PTGER3: variants seen among roughly 807,000 people sequenced by gnomAD.
PTGER3 encodes the protein prostaglandin E receptor 3, also known as prostaglandin E2 receptor EP3 subtype.
PTGER3 carries 22 observed loss-of-function variants against 34.7 expected under a neutral mutation model. The ratio of observed to expected loss-of-function variants is 0.63; its 90% CI spans 0.45 to 0.91. The LOEUF (loss-of-function observed/expected upper bound fraction) is 0.91. PTGER3 is among the 40% of genes least tolerant of loss of function. The pLI, the probability that PTGER3 is intolerant of heterozygous loss-of-function variation, is 0.00. For missense variants in PTGER3, 468 were observed against 519.4 expected (o/e 0.90, Z 0.96); for synonymous variants, 241 against 230.1 (o/e 1.05, Z -0.43).
chr1:71,012,035 T>C, intron 2 of PTGER3: 1 of 1,418,012 alleles, frequency 7.1e-7, no homozygotes, highest in African/African-American at 1.4e-5. Context: ...TTTTCCTTTG[T>C]TTGTGTTTCA....
chr1:71,024,286 A>C (rs914287405), intron 1 of PTGER3, among the ~76,000 whole-genome samples: 2 of 152,242 alleles, frequency 1.3e-5, no homozygotes, highest in Middle Eastern at 3.4e-3. Flanking sequence ...ATTCTGACTT[A>C]TTTCGTGCGT....
At position 71,046,603 on chromosome 1, in the gene PTGER3, G is replaced by A. The variant is rs1376594918; in HGVS notation, c.897+78C>T. ...CGGTTGCAAACACACCCCTGCGGGT[G>A]CTGCCACTTAGCAAAGTCTTAGGTT... On this transcript the variant is annotated intron_variant, in intron 1 of 3. Coordinates refer to ENST00000306666, the MANE Select transcript of PTGER3 (RefSeq NM_198719.2). 12 of 1,468,262 alleles carry A rather than the reference G, an allele frequency of 8.2e-6. No homozygotes were observed. In the Admixed American group the frequency reaches 2.9e-4, roughly 36 times the overall value. The allele number at this position is 1,468,262 out of a possible 1,614,324, so 91.0% of individuals were successfully genotyped here.
At chr1:70,974,159 A>G (rs1653432338) in intron 3 of PTGER3, 138 bp downstream of exon 3, 4 of 1,268,208 alleles carry the variant, frequency 3.2e-6, no homozygotes, top group Admixed American at 3.2e-5. Context: ...TAAGGAATCT[A>G]GCACTCTTAA....
downstream of PTGER3, among the ~76,000 whole-genome samples, chr1:70,949,375 A>G (rs75112592): frequency 2.6e-5 from 4 of 152,330 alleles, no homozygotes; most frequent in East Asian, 7.7e-4. Flanking sequence ...TCCTCCTCTT[A>G]AAGTGTCCCA....
intron 2 of PTGER3, among the ~76,000 whole-genome samples, chr1:70,981,280 T>TTC (rs539701160): frequency 6.6e-6 from 1 of 151,316 alleles, no homozygotes; most frequent in Admixed American, 6.6e-5. Flanking sequence ...TCCTTTTCTT[T>TTC]TCTCTCTCTC....
intron 1 of PTGER3, among the ~76,000 whole-genome samples, chr1:71,045,996 TA>T (rs1358364436): frequency 1.0e-3 from 146 of 140,342 alleles, no homozygotes; most frequent in Middle Eastern, 3.6e-3. Flanking sequence ...AATTTGAAAT[TA>T]AAAAAAAAAA....
At chr1:70,957,272 T>C (rs1262674659) in intron 2 of PTGER3, among the ~76,000 whole-genome samples, 1 of 152,190 alleles carries the variant, frequency 6.6e-6, no homozygotes, top group Non-Finnish European at 1.5e-5. Flanking sequence ...ATTGTTCTGA[T>C]TTGGAAACTA....
intron 4 of PTGER3, among the ~76,000 whole-genome samples, chr1:70,928,303 C>T (rs1383098426): frequency 6.7e-6 from 1 of 150,180 alleles, no homozygotes; most frequent in African/African-American, 2.5e-5. Context: ...GTTAAAATAC[C>T]TTTGATTACA....
chr1:70,941,986 G>T (rs920340785), intron 4 of PTGER3, among the ~76,000 whole-genome samples: 1 of 152,076 alleles, frequency 6.6e-6, no homozygotes, highest in African/African-American at 2.4e-5. Context: ...CTGTGATGAC[G>T]ACAGCTCCTA....
chr1:71,016,013 G>A (rs1657860635), intron 1 of PTGER3, among the ~76,000 whole-genome samples: 1 of 152,150 alleles, frequency 6.6e-6, no homozygotes, highest in South Asian at 2.1e-4. Flanking sequence ...GCTCACTGTA[G>A]TCCTGAACTC....
chr1:71,017,150 T>C (rs1349483042), intron 1 of PTGER3, among the ~76,000 whole-genome samples: 1 of 152,004 alleles, frequency 6.6e-6, no homozygotes, highest in Non-Finnish European at 1.5e-5. Flanking sequence ...CGTGAGGAGA[T>C]AATCCTAGAT....
intron 4 of PTGER3, among the ~76,000 whole-genome samples, chr1:70,912,078 G>A (rs949841129): frequency 6.6e-6 from 1 of 152,076 alleles, no homozygotes; most frequent in African/African-American, 2.4e-5. Context: ...AGAAATATTG[G>A]TGGACCTGCA....
At chr1:70,921,559 C>T (rs916812909) in intron 4 of PTGER3, among the ~76,000 whole-genome samples, 5 of 152,002 alleles carry the variant, frequency 3.3e-5, no homozygotes. Context: ...TACCTCAGAA[C>T]AGAACATGGG....
intron 1 of PTGER3, among the ~76,000 whole-genome samples, chr1:71,029,057 A>G (rs975513226): frequency 1.2e-4 from 18 of 152,208 alleles, no homozygotes; most frequent in African/African-American, 4.3e-4. Context: ...AAAACAAAAA[A>G]CAGGAACTGA....
chr1:70,932,551 T>C (rs1276319372), intron 4 of PTGER3, among the ~76,000 whole-genome samples: 1 of 152,072 alleles, frequency 6.6e-6, no homozygotes, highest in Non-Finnish European at 1.5e-5. Flanking sequence ...GAAATGTGCT[T>C]CTTACATGGT....
chr1:70,964,508 A>G (rs1436957283), intron 2 of PTGER3, among the ~76,000 whole-genome samples: 1 of 152,204 alleles, frequency 6.6e-6, no homozygotes, highest in African/African-American at 2.4e-5. Flanking sequence ...CAGGAAAGAC[A>G]GCATGTGCAG....
intron 4 of PTGER3, among the ~76,000 whole-genome samples, chr1:70,901,745 A>G (rs1018986147): frequency 6.6e-6 from 1 of 152,232 alleles, no homozygotes; most frequent in Non-Finnish European, 1.5e-5. Context: ...TACCTACCAC[A>G]TACAGCATTG....
At chr1:70,945,092 G>A (rs903839820) in intron 4 of PTGER3, among the ~76,000 whole-genome samples, 3 of 152,208 alleles carry the variant, frequency 2.0e-5, no homozygotes, top group South Asian at 2.1e-4. Context: ...GGAACTATTC[G>A]AACCCACAGG....
intron 1 of PTGER3, among the ~76,000 whole-genome samples, chr1:71,025,803 C>T (rs1362238138): frequency 1.3e-5 from 2 of 152,210 alleles, no homozygotes; most frequent in African/African-American, 2.4e-5. Context: ...TCACAAGAGC[C>T]AAGCAGTAAA....
Sources: gnomAD v4.1 joint callset for allele counts (sites outside exome capture counted in the v4.1 genomes callset) on GRCh38, gnomAD v4.1.1 for gene constraint, MANE v1.5 for transcripts, NCBI Gene and HGNC (gene_info 2026-07-23, HGNC 2026-07-21) for gene names.